Variants in KCNJ6 observed in about 807,000 individuals in gnomAD.
KCNJ6 encodes the protein G protein-activated inward rectifier potassium channel 2.
KCNJ6 carries 9 observed loss-of-function variants against 34.2 expected under a neutral mutation model. The observed-to-expected ratio is 0.26, with a 90% confidence interval of 0.16 to 0.46. The LOEUF is 0.46. KCNJ6 is among the 20% of genes least tolerant of loss of function. KCNJ6 has a pLI of 1.00. For synonymous variants in KCNJ6, 196 were observed against 207.1 expected (o/e 0.95, Z 0.46); for missense variants, 236 against 531.3 (o/e 0.44, Z 5.46).
At chr21:37,700,767 A>T (rs553207161) in intron 3 of KCNJ6, among the ~76,000 whole-genome samples, 2 of 152,258 alleles carry the variant, frequency 1.3e-5, no homozygotes, top group East Asian at 3.9e-4. Flanking sequence ...TACACTGCAC[A>T]ACTCACCACA....
At chr21:37,797,929 T>C (rs2055251247) in intron 2 of KCNJ6, among the ~76,000 whole-genome samples, 1 of 152,332 alleles carries the variant, frequency 6.6e-6, no homozygotes, top group South Asian at 2.1e-4. Context: ...TACCTTTGGA[T>C]TTTTTGTAGG....
chr21:37,844,395 C>T (rs1336933188), intron 1 of KCNJ6, among the ~76,000 whole-genome samples: 1 of 152,080 alleles, frequency 6.6e-6, no homozygotes, highest in African/African-American at 2.4e-5. Context: ...CCTCGCTGCA[C>T]TCTACTTAGG....
intron 2 of KCNJ6, among the ~76,000 whole-genome samples, chr21:37,766,079 A>G (rs986334332): frequency 1.3e-5 from 2 of 152,230 alleles, no homozygotes; most frequent in Non-Finnish European, 2.9e-5. Context: ...GAAGCTACAG[A>G]GTTATCAGAT....
At chr21:37,806,529 C>T (rs2055294277) in intron 2 of KCNJ6, among the ~76,000 whole-genome samples, 1 of 152,160 alleles carries the variant, frequency 6.6e-6, no homozygotes, top group East Asian at 1.9e-4. Flanking sequence ...TAAGGTCTTC[C>T]TCCCCTTGAT....
chr21:37,630,404 A>G (rs569143522), intron 3 of KCNJ6, among the ~76,000 whole-genome samples: 5 of 152,244 alleles, frequency 3.3e-5, no homozygotes, highest in South Asian at 2.1e-4. Flanking sequence ...CAGTGCTTCA[A>G]TATTGGAGGT....
rs373813624 is a variant in KCNJ6, at chr21:37,667,554, G to A, written c.947-42070C>T. Among the ~76,000 whole-genome samples the A allele has an allele frequency of 7.6e-4, 116 of 151,866 alleles. No homozygotes were observed. The East Asian group carries it at 0.021, about 28-fold the overall frequency. ...AGCGGGGTCCGGGGTAGCGGGCGCCGGGGTAGCAGGCTCCAGGGTAGTGGG... is the reference window on the plus strand; with the variant it reads ...AGCGGGGTCCGGGGTAGCGGGCGCCAGGGTAGCAGGCTCCAGGGTAGTGGG... On this transcript the variant is annotated intron_variant, in intron 3 of 3. Transcript: ENST00000609713.
At chr21:37,723,917 G>A (rs1349985154) in intron 2 of KCNJ6, among the ~76,000 whole-genome samples, 2 of 151,352 alleles carry the variant, frequency 1.3e-5, no homozygotes, top group African/African-American at 4.9e-5. Context: ...AATACAAATT[G>A]ACTGATAGAA....
At chr21:37,744,019 G>A (rs377091603) in intron 2 of KCNJ6, among the ~76,000 whole-genome samples, 94 of 151,834 alleles carry the variant, frequency 6.2e-4, no homozygotes, top group African/African-American at 2.2e-3. Context: ...AATCAGTAAG[G>A]GAGCCACACT....
rs1209411338 is a variant in KCNJ6, at chr21:37,618,668, A to G, written c.*6491T>C. 6.6e-6 allele frequency: 1 copy of G among 152,202 alleles called. No individual in the cohort carries two copies. The highest frequency in any genetic ancestry group is 6.5e-5 in the Admixed American group (1 of 15,284). The allele number at this position is 152,202 out of a possible 1,614,324, so 9.4% of individuals were successfully genotyped here. ...CTATGTGGCCACAATTCTCCGGCCA[A>G]CCACAGTGCATGTTGGGATTTGCAT... On this transcript the variant is annotated 3_prime_UTR_variant, in exon 4 of 4. Coordinates refer to ENST00000609713, the MANE Select transcript of KCNJ6 (RefSeq NM_002240.5).
At chr21:37,647,607 A>C (rs1413404011) in intron 3 of KCNJ6, among the ~76,000 whole-genome samples, 1 of 152,076 alleles carries the variant, frequency 6.6e-6, no homozygotes, top group Non-Finnish European at 1.5e-5. Flanking sequence ...AATCCCCCCC[A>C]GAGTTAGGCC....
At chr21:37,739,911 T>C (rs2054931780) in intron 2 of KCNJ6, among the ~76,000 whole-genome samples, 1 of 110,706 alleles carries the variant, frequency 9.0e-6, no homozygotes, top group Non-Finnish European at 2.0e-5. Flanking sequence ...TTCTTTAGGT[T>C]TGAAAAAAAA....
At chr21:37,791,611 T>C (rs1026312225) in intron 2 of KCNJ6, among the ~76,000 whole-genome samples, 10 of 152,242 alleles carry the variant, frequency 6.6e-5, no homozygotes, top group Non-Finnish European at 4.4e-5. Context: ...TCTAGAATGA[T>C]TTTGACCATA....
chr21:37,670,592 A>G (rs1461093401), intron 3 of KCNJ6, among the ~76,000 whole-genome samples: 2 of 152,252 alleles, frequency 1.3e-5, no homozygotes, highest in East Asian at 3.9e-4. Context: ...TGGTGAAACC[A>G]TGTCTCTCCT....
intron 3 of KCNJ6, among the ~76,000 whole-genome samples, chr21:37,663,418 A>G (rs1212390038): frequency 6.6e-6 from 1 of 152,052 alleles, no homozygotes; most frequent in Non-Finnish European, 1.5e-5. Flanking sequence ...GTCTTAGAGC[A>G]CTCAGCTAAT....
At chr21:37,668,454 CTAT>C (rs901134431) in intron 3 of KCNJ6, among the ~76,000 whole-genome samples, 2 of 113,824 alleles carry the variant, frequency 1.8e-5, no homozygotes, top group Admixed American at 1.7e-4. Context: ...TCCTAATCTC[CTAT>C]TCTTATAAGG....
chr21:37,770,140 C>A (rs1391500882), intron 2 of KCNJ6, among the ~76,000 whole-genome samples: 1 of 152,152 alleles, frequency 6.6e-6, no homozygotes, highest in African/African-American at 2.4e-5. Flanking sequence ...GTTGTCTTGG[C>A]CAGTAGGAGC....
At chr21:37,674,486 T>C (rs1240568515) in intron 3 of KCNJ6, among the ~76,000 whole-genome samples, 1 of 136,704 alleles carries the variant, frequency 7.3e-6, no homozygotes, top group Non-Finnish European at 1.5e-5. Context: ...CTCACTCGCC[T>C]CCTCTCTGCC....
At chr21:37,807,693 C>A (rs2055300591) in intron 2 of KCNJ6, among the ~76,000 whole-genome samples, 1 of 152,310 alleles carries the variant, frequency 6.6e-6, no homozygotes, top group Admixed American at 6.5e-5. Flanking sequence ...GCTATGCCAT[C>A]TAGGTTTGTG....
chr21:37,659,186 T>C (rs1220372390), intron 3 of KCNJ6, among the ~76,000 whole-genome samples: 1 of 152,218 alleles, frequency 6.6e-6, no homozygotes, highest in Non-Finnish European at 1.5e-5. Context: ...TTTTTCTTTT[T>C]TTTCCAGGAA....
Sources: gnomAD v4.1 joint callset for allele counts (sites outside exome capture counted in the v4.1 genomes callset) on GRCh38, gnomAD v4.1.1 for gene constraint, MANE v1.5 for transcripts, NCBI Gene and HGNC (gene_info 2026-07-23, HGNC 2026-07-21) for gene names.